SETBP1: variants seen among roughly 807,000 people sequenced by gnomAD.
SETBP1 encodes the protein SET binding protein 1.
A neutral mutation model predicts 101.0 loss-of-function variants in SETBP1; 9 were observed. That is an observed-to-expected ratio of 0.09 (90% confidence interval 0.05 to 0.16). SETBP1 has a LOEUF of 0.16. SETBP1 is among the 10% of genes least tolerant of loss of function. SETBP1 has a pLI of 1.00. For synonymous variants in SETBP1, 818 were observed against 788.5 expected, an observed-to-expected ratio of 1.04 and a Z score of -0.63; for missense variants, 1,858 against 2,033.8, an observed-to-expected ratio of 0.91 and a Z score of 1.66.
intron 4 of SETBP1, among the ~76,000 whole-genome samples, chr18:44,972,784 G>C (rs575506211): frequency 6.6e-6 from 1 of 152,196 alleles, no homozygotes; most frequent in Non-Finnish European, 1.5e-5. Context: ...GGGCTGAGAT[G>C]ATGGGGTTTT....
chr18:44,871,613 G>A (rs2069276762), intron 3 of SETBP1: 1 of 152,228 alleles, frequency 6.6e-6, no homozygotes, highest in African/African-American at 2.4e-5. Flanking sequence ...TTTTGAAAGT[G>A]TGTAGAGTAG....
chr18:44,720,637 G>A (rs1302196921), intron 2 of SETBP1, among the ~76,000 whole-genome samples: 1 of 152,200 alleles, frequency 6.6e-6, no homozygotes, highest in East Asian at 1.9e-4. Context: ...GTACCCGATG[G>A]TGGAACATGT....
chr18:44,703,384 T>C (rs2069155231), intron 2 of SETBP1, among the ~76,000 whole-genome samples: 2 of 55,298 alleles, frequency 3.6e-5, no homozygotes, highest in East Asian at 5.4e-4. Context: ...TTTTTTTTTT[T>C]TTTTTTTTTT....
chr18:44,798,820 G>A (rs187482015), intron 2 of SETBP1, among the ~76,000 whole-genome samples: 8 of 152,258 alleles, frequency 5.3e-5, no homozygotes, highest in Admixed American at 1.3e-4. Flanking sequence ...AATAACTCTC[G>A]CTTATCTCCT....
chr18:44,746,754 C>T (rs1323747343), intron 2 of SETBP1, among the ~76,000 whole-genome samples: 1 of 152,168 alleles, frequency 6.6e-6, no homozygotes, highest in Non-Finnish European at 1.5e-5. Flanking sequence ...CAATTAATAT[C>T]ATGCATGGGA....
rs138710778 is a variant in SETBP1 at position 44,983,509 on chromosome 18, C to T, written c.4000+30169C>T. Among the ~76,000 whole-genome samples, 136 of 152,252 alleles carry T rather than the reference C, an allele frequency of 8.9e-4. 1 individual carries two copies. In the Middle Eastern group the frequency reaches 0.01, roughly 11 times the overall value. On this transcript the variant is annotated intron_variant, in intron 4 of 5. Transcript: ENST00000649279. Reference sequence around the variant, plus strand: ...CCACATGGAGTAGAGCCAAGATTTGCCCCAAGCCCAATTCCAGAGCCCATA... The same window carrying T: ...CCACATGGAGTAGAGCCAAGATTTGTCCCAAGCCCAATTCCAGAGCCCATA...
chr18:44,793,018 A>ATGGAG (rs1460257306), intron 2 of SETBP1, among the ~76,000 whole-genome samples: 1 of 152,204 alleles, frequency 6.6e-6, no homozygotes, highest in East Asian at 1.9e-4. Flanking sequence ...TTCTGGTTAC[A>ATGGAG]TGGAGTGGCC....
rs560883970 is a variant in SETBP1 at position 44,943,580 on chromosome 18, C to T, written c.541-6301C>T. Among the ~76,000 whole-genome samples, 19 of 152,316 alleles carry T rather than the reference C, an allele frequency of 1.2e-4. No individual in the cohort carries two copies. In the East Asian group the frequency reaches 2.1e-3, roughly 17 times the overall value. On this transcript the variant is annotated intron_variant, in intron 3 of 5. Coordinates refer to ENST00000649279, the MANE Select transcript of SETBP1 (RefSeq NM_015559.3). Reference sequence around the variant, plus strand: ...CACGTCCAGAATGTTGATTTAATCACGCTGGGTCAGATCTCAGGTATGTTG... The same window carrying T: ...CACGTCCAGAATGTTGATTTAATCATGCTGGGTCAGATCTCAGGTATGTTG...
intron 4 of SETBP1, among the ~76,000 whole-genome samples, chr18:44,960,549 C>T (rs1187546841): frequency 6.6e-6 from 1 of 151,818 alleles, no homozygotes; most frequent in East Asian, 1.9e-4. Flanking sequence ...TCGCTCTGTT[C>T]CCCAGACTGG....
At position 44,842,607 on chromosome 18, in the gene SETBP1, G is replaced by T. The variant is rs1029978141; in HGVS notation, c.487-26623G>T. ...CATCATGTGTGAGCCAACTGGTTTT[G>T]GTTGGGAGTCCTGCATGGTCTACAG... is the stretch of plus-strand genomic sequence containing the variant. On this transcript the variant is annotated intron_variant, in intron 2 of 5. Transcript: ENST00000649279. Among the ~76,000 whole-genome samples the T allele has an allele frequency of 2.4e-4, 36 of 152,272 alleles. 1 individual carries two copies. The highest frequency in any genetic ancestry group is 3.4e-3 in the Middle Eastern group (1 of 294).
rs535771229 is a variant in SETBP1 at position 45,031,426 on chromosome 18, CA to C, written c.4001-7058del. On this transcript the variant is annotated intron_variant, in intron 4 of 5. Coordinates refer to ENST00000649279, the MANE Select transcript of SETBP1 (RefSeq NM_015559.3). ...TTAATCCACACAACAACGTCATTAA[CA>C]GATGAAAAAAATTGAGGCATGGAAA... 2.1e-3 allele frequency among the ~76,000 whole-genome samples: 318 copies of C among 152,230 alleles called. 3 individuals carry two copies. The highest frequency in any genetic ancestry group is 7.2e-3 in the African/African-American group (300 of 41,550).
At chr18:44,744,842 C>T (rs2070199344) in intron 2 of SETBP1, among the ~76,000 whole-genome samples, 1 of 152,066 alleles carries the variant, frequency 6.6e-6, no homozygotes. Flanking sequence ...GTTTGATCTC[C>T]CCTGAATGCT....
chr18:44,919,725 T>C (rs1249822988), intron 3 of SETBP1, among the ~76,000 whole-genome samples: 1 of 151,062 alleles, frequency 6.6e-6, no homozygotes, highest in African/African-American at 2.4e-5. Flanking sequence ...GATTAATATA[T>C]ATTTATTATA....
intron 2 of SETBP1, among the ~76,000 whole-genome samples, chr18:44,794,781 G>T (rs143094542): frequency 1.8e-4 from 28 of 152,164 alleles, no homozygotes; most frequent in African/African-American, 6.8e-4. Context: ...ATGGTATTGG[G>T]TAGGGATGTG....
chr18:44,844,390 A>G (rs1360170721), intron 2 of SETBP1, among the ~76,000 whole-genome samples: 1 of 143,948 alleles, frequency 6.9e-6, no homozygotes, highest in Non-Finnish European at 1.5e-5. Flanking sequence ...ACCCTACTGC[A>G]TTGCTCTGAC....
chr18:44,816,089 G>A (rs948443540), intron 2 of SETBP1, among the ~76,000 whole-genome samples: 5 of 152,206 alleles, frequency 3.3e-5, no homozygotes, highest in African/African-American at 1.2e-4. Flanking sequence ...GATGAAAGAA[G>A]GAGGCCTGGG....
At chr18:44,817,698 G>GA (rs1228054505) in intron 2 of SETBP1, among the ~76,000 whole-genome samples, 2,096 of 139,408 alleles carry the variant, frequency 0.015, 53 homozygotes, top group African/African-American at 0.05. Context: ...AAAAAAAAAA[G>GA]AAAAAAAAAA....
At chr18:44,745,484 A>C (rs1231878202) in intron 2 of SETBP1, among the ~76,000 whole-genome samples, 1 of 152,228 alleles carries the variant, frequency 6.6e-6, no homozygotes, top group East Asian at 1.9e-4. Flanking sequence ...GAAAAAAATA[A>C]GAGCATTATT....
At chr18:45,030,866 A>T (rs1299003673) in intron 4 of SETBP1, among the ~76,000 whole-genome samples, 2 of 151,988 alleles carry the variant, frequency 1.3e-5, no homozygotes, top group Non-Finnish European at 2.9e-5. Flanking sequence ...TATCCCCTTT[A>T]TCATTTTTTA....
Sources: allele counts gnomAD v4.1 joint callset (sites outside exome capture counted in the v4.1 genomes callset), GRCh38; gene constraint gnomAD v4.1.1; transcripts MANE v1.5; gene names NCBI Gene and HGNC (gene_info 2026-07-23, HGNC 2026-07-21).